ADAM12: variants seen among roughly 807,000 people sequenced by gnomAD.
ADAM12 encodes disintegrin and metalloproteinase domain-containing protein 12.
In ADAM12, 70 loss-of-function variants were observed where a neutral mutation model predicts 106.4. The observed-to-expected ratio is 0.66, with a 90% CI of 0.54 to 0.80. ADAM12 has a LOEUF of 0.80. ADAM12 is among the 30% of genes least tolerant of loss of function. The pLI, the probability that ADAM12 is intolerant of heterozygous loss-of-function variation, is 0.00. For synonymous variants in ADAM12, 420 were observed against 433.5 expected, an observed-to-expected ratio of 0.97 and a Z score of 0.39; for missense variants, 1,010 against 1,171.9, an observed-to-expected ratio of 0.86 and a Z score of 2.02.
At chr10:126,041,219 G>A (rs1954159896) in intron 18 of ADAM12, 8 of 510,608 alleles carry the variant, frequency 1.6e-5, no homozygotes, top group Non-Finnish European at 2.0e-5. Context: ...TGGCTGGTGT[G>A]TGGCAGACAC....
intron 12 of ADAM12, among the ~76,000 whole-genome samples, chr10:126,068,657 C>T (rs1307111054): frequency 6.6e-6 from 1 of 152,192 alleles, no homozygotes; most frequent in Admixed American, 6.5e-5. Context: ...AGCAATCAAC[C>T]TGCCTTCAAA....
intron 3 of ADAM12, chr10:126,272,790 GC>G: frequency 3.1e-6 from 1 of 326,250 alleles, no homozygotes; most frequent in East Asian, 1.0e-4. Flanking sequence ...CTCCAGGGGA[GC>G]CCCTCAGGCT....
intron 14 of ADAM12, among the ~76,000 whole-genome samples, chr10:126,051,444 G>T (rs1170767926): frequency 6.7e-6 from 1 of 149,992 alleles, no homozygotes; most frequent in African/African-American, 2.5e-5. Context: ...CGTCCATCCA[G>T]CCAGCCACCC....
intron 1 of ADAM12, among the ~76,000 whole-genome samples, chr10:126,345,206 C>T (rs1376223390): frequency 6.6e-6 from 1 of 152,116 alleles, no homozygotes; most frequent in Non-Finnish European, 1.5e-5. Context: ...CCATCAATAC[C>T]TAATTTATTG....
intron 1 of ADAM12, among the ~76,000 whole-genome samples, chr10:126,333,617 A>G (rs944193661): frequency 6.6e-6 from 1 of 152,152 alleles, no homozygotes; most frequent in Non-Finnish European, 1.5e-5. Flanking sequence ...CTGTTAGATA[A>G]TCAGGGTGAG....
At chr10:126,088,004 G>A (rs1475520919) in intron 11 of ADAM12, among the ~76,000 whole-genome samples, 3 of 152,152 alleles carry the variant, frequency 2.0e-5, no homozygotes, top group African/African-American at 7.2e-5. Flanking sequence ...TATCTTTTCT[G>A]CCTGCTGCCT....
chr10:126,168,051 C>A (rs1233976469), intron 3 of ADAM12, among the ~76,000 whole-genome samples: 1 of 152,124 alleles, frequency 6.6e-6, no homozygotes, highest in Non-Finnish European at 1.5e-5. Flanking sequence ...CCAGAAAATT[C>A]TTGGTTGATT....
intron 3 of ADAM12, among the ~76,000 whole-genome samples, chr10:126,187,826 T>A (rs1957427675): frequency 1.3e-5 from 2 of 152,204 alleles, no homozygotes; most frequent in African/African-American, 4.8e-5. Flanking sequence ...CTCCTTATGT[T>A]CCACTAGGTC....
intron 20 of ADAM12, 124 bp from the exon 21 acceptor site, chr10:126,036,449 A>G: frequency 1.1e-6 from 1 of 908,692 alleles, no homozygotes; most frequent in Admixed American, 3.6e-5. Context: ...AAGGAAAGAA[A>G]TCAAGGATGT....
chr10:126,327,965 C>A (rs545463368), intron 2 of ADAM12, among the ~76,000 whole-genome samples: 32 of 152,318 alleles, frequency 2.1e-4, no homozygotes, highest in African/African-American at 7.2e-4. Context: ...CACCTGCCTC[C>A]TCCCTGCTCC....
chr10:126,049,422 T>C lies in ADAM12; in HGVS notation c.1748A>G (p.Gln583Arg). The stretch of plus-strand genomic sequence containing the variant: ...AATGACTGGCCGGCTGGCACCTCCT[T>C]GACACTGGATTTTTCCACATTTAGC... ...RDAKCGKIQC[Q>R]GGASRPVIGT... Residue 583 changes from glutamine to arginine, a missense_variant, in exon 16 of 23, where the codon CAA becomes CGA. Physicochemically the swap from Gln to Arg is conservative, Grantham distance 43. Transcript: ENST00000448723. The surrounding 1 kb of genome is among the most constrained non-coding windows in gnomAD (Gnocchi z 4.4). The C allele has an allele frequency of 6.2e-7, 1 of 1,614,190 alleles. No homozygotes were observed. Among genetic ancestry groups the C allele is most frequent in the Non-Finnish European group, 8.5e-7 (1 of 1,180,036 alleles).
chr10:126,265,351 G>C (rs932112868), intron 3 of ADAM12, among the ~76,000 whole-genome samples: 1 of 152,208 alleles, frequency 6.6e-6, no homozygotes, highest in African/African-American at 2.4e-5. Flanking sequence ...AAGAAAGAAT[G>C]ATAGAACACT....
Position 126,064,597 on chromosome 10 carries a change from C to G in ADAM12, c.1609+209G>C. ...GCACTGAGCTTCTTAAGGCCAGGCT[C>G]CAGGCAGTGTCCATTTCTGTGCACC... On this transcript the variant is annotated intron_variant, in intron 14 of 22. Transcript: ENST00000448723. This position sits in a 1 kb window ranked among gnomAD's most constrained non-coding sequence, Gnocchi z 4.4. 1 of 561,970 alleles carries G rather than the reference C, an allele frequency of 1.8e-6. No homozygotes were observed. Among genetic ancestry groups the G allele is most frequent in the Non-Finnish European group, 3.1e-6 (1 of 320,692 alleles). 34.8% of individuals were successfully genotyped at this position (561,970 alleles called of 1,614,324 possible). A position where few individuals can be genotyped will look rare whatever the true frequency, so the allele number is the denominator to read the frequency against.
chr10:126,069,302 T>A (rs758012273), intron 12 of ADAM12, among the ~76,000 whole-genome samples: 1 of 151,894 alleles, frequency 6.6e-6, no homozygotes, highest in African/African-American at 2.4e-5. Flanking sequence ...AAAAAGCAAA[T>A]CTAAAAAGTG....
At chr10:126,174,324 T>C (rs1365824466) in intron 3 of ADAM12, among the ~76,000 whole-genome samples, 7 of 152,076 alleles carry the variant, frequency 4.6e-5, no homozygotes, top group Non-Finnish European at 1.0e-4. Flanking sequence ...TAAGCAGATA[T>C]TCTCCTACGC....
chr10:126,255,095 G>A (rs1239671790), intron 3 of ADAM12, among the ~76,000 whole-genome samples: 2 of 152,168 alleles, frequency 1.3e-5, no homozygotes, highest in Admixed American at 6.5e-5. Context: ...CATTCCTGTC[G>A]TGAGCCCATC....
At chr10:126,278,635 C>G (rs1565186789) in intron 3 of ADAM12, among the ~76,000 whole-genome samples, 1 of 152,006 alleles carries the variant, frequency 6.6e-6, no homozygotes, top group Non-Finnish European at 1.5e-5. Flanking sequence ...TACAGGGATG[C>G]TTAAATCAAA....
At chr10:126,280,939 A>G (rs1389769277) in intron 2 of ADAM12, among the ~76,000 whole-genome samples, 6 of 152,156 alleles carry the variant, frequency 3.9e-5, no homozygotes, top group Non-Finnish European at 5.9e-5. Flanking sequence ...AAATTAATCT[A>G]TTGGATCCTA....
chr10:126,339,214 A>T (rs1032112852), intron 1 of ADAM12, among the ~76,000 whole-genome samples: 1 of 152,164 alleles, frequency 6.6e-6, no homozygotes, highest in African/African-American at 2.4e-5. Context: ...TTTTCTTCCC[A>T]TCTGGCCACT....
Sources: gnomAD v4.1 joint callset for allele counts (sites outside exome capture counted in the v4.1 genomes callset) on GRCh38, gnomAD v4.1.1 for gene constraint, Gnocchi (gnomAD v3.1) non-coding constraint, MANE v1.5 for transcripts, NCBI Gene and HGNC (gene_info 2026-07-23, HGNC 2026-07-21) for gene names.